Variants in CSMD1 observed in about 807,000 individuals in gnomAD.
CSMD1 encodes CUB and Sushi multiple domains 1.
CSMD1 carries 213 observed loss-of-function variants against 417.5 expected under a neutral mutation model. That is an observed-to-expected ratio of 0.51 (90% CI 0.46 to 0.57). CSMD1 has a LOEUF of 0.57. Among genes scored for constraint, CSMD1 ranks in the 20% least tolerant of loss-of-function variants. CSMD1 has a pLI of 0.00. For synonymous variants in CSMD1, 2,862 were observed against 1,736.8 expected, an observed-to-expected ratio of 1.65 and a Z score of -16.11; for missense variants, 6,923 against 4,529.7, an observed-to-expected ratio of 1.53 and a Z score of -15.17.
intron 3 of CSMD1, among the ~76,000 whole-genome samples, chr8:4,381,184 A>C (rs1350970505): frequency 6.6e-6 from 1 of 152,198 alleles, no homozygotes; most frequent in African/African-American, 2.4e-5. Context: ...ACAGTTCTCT[A>C]CGGTACTGAT....
At chr8:2,954,519 C>T (rs1466710941) in intron 64 of CSMD1, among the ~76,000 whole-genome samples, 1 of 152,060 alleles carries the variant, frequency 6.6e-6, no homozygotes, top group East Asian at 1.9e-4. Context: ...TAAAGTGCTA[C>T]AACAGAGAGC....
intron 10 of CSMD1, among the ~76,000 whole-genome samples, chr8:3,532,417 G>A (rs950917466): frequency 3.3e-5 from 5 of 152,100 alleles, no homozygotes; most frequent in Non-Finnish European, 5.9e-5. Flanking sequence ...AAGAAAGATG[G>A]ACTTGTGGCA....
intron 2 of CSMD1, among the ~76,000 whole-genome samples, chr8:4,524,911 A>G (rs1796439527): frequency 6.6e-6 from 1 of 152,194 alleles, no homozygotes; most frequent in Admixed American, 6.5e-5. Flanking sequence ...GTAAAACTTT[A>G]ACAGCATTGC....
At chr8:3,053,339 G>A (rs191237562) in intron 49 of CSMD1, among the ~76,000 whole-genome samples, 1 of 152,294 alleles carries the variant, frequency 6.6e-6, no homozygotes, top group Admixed American at 6.5e-5. Flanking sequence ...GGATGAAGCA[G>A]CATCTTTATC....
At chr8:3,564,755 C>G (rs75259605) in intron 10 of CSMD1, among the ~76,000 whole-genome samples, 2 of 151,468 alleles carry the variant, frequency 1.3e-5, no homozygotes, top group South Asian at 4.2e-4. Flanking sequence ...ACAAAAAACC[C>G]AAAAAACCAC....
intron 3 of CSMD1, among the ~76,000 whole-genome samples, chr8:4,374,976 A>C (rs1167601443): frequency 1.5e-5 from 1 of 67,002 alleles, no homozygotes. Flanking sequence ...GGGGGGGGCG[A>C]TAGTGGGGGT....
At chr8:3,608,700 G>A (rs187705977) in intron 8 of CSMD1, among the ~76,000 whole-genome samples, 5 of 151,066 alleles carry the variant, frequency 3.3e-5, no homozygotes, top group East Asian at 3.9e-4. Flanking sequence ...AGAGGTGGAG[G>A]CTGCAGTAAG....
intron 1 of CSMD1, among the ~76,000 whole-genome samples, chr8:4,641,244 G>T (rs534870456): frequency 3.4e-4 from 51 of 152,046 alleles, no homozygotes; most frequent in Non-Finnish European, 7.4e-4. Flanking sequence ...CTGAACACAT[G>T]CCATAATTTT....
At chr8:4,438,222 A>G (rs1359439371) in intron 2 of CSMD1, among the ~76,000 whole-genome samples, 1 of 152,100 alleles carries the variant, frequency 6.6e-6, no homozygotes, top group Non-Finnish European at 1.5e-5. Flanking sequence ...TCCTGAAATA[A>G]TCTCAACCCA....
intron 65 of CSMD1, among the ~76,000 whole-genome samples, chr8:2,953,266 T>C (rs1205783076): frequency 6.6e-6 from 1 of 152,214 alleles, no homozygotes; most frequent in Non-Finnish European, 1.5e-5. Flanking sequence ...TTATATTCTT[T>C]ATTATTCAGA....
intron 7 of CSMD1, among the ~76,000 whole-genome samples, chr8:3,627,356 A>C (rs1275921148): frequency 2.0e-5 from 3 of 152,206 alleles, no homozygotes. Flanking sequence ...CTTCAATTTC[A>C]CAGATCATGA....
chr8:4,195,947 C>T (rs371047143), intron 3 of CSMD1, among the ~76,000 whole-genome samples: 72 of 152,042 alleles, frequency 4.7e-4, no homozygotes, highest in African/African-American at 1.3e-3. Flanking sequence ...CGCGGTGGCT[C>T]ACGCCTGTAA....
At chr8:3,972,703 CT>C (rs1179082699) in intron 5 of CSMD1, among the ~76,000 whole-genome samples, 1 of 152,178 alleles carries the variant, frequency 6.6e-6, no homozygotes, top group Non-Finnish European at 1.5e-5. Flanking sequence ...CAAATAGCTT[CT>C]TTTCAACACT....
intron 5 of CSMD1, among the ~76,000 whole-genome samples, chr8:3,931,366 C>G (rs1291254988): frequency 6.6e-6 from 1 of 150,586 alleles, no homozygotes; most frequent in Admixed American, 6.6e-5. Flanking sequence ...CCTCATTTCT[C>G]AGGCTTCTAT....
intron 2 of CSMD1, among the ~76,000 whole-genome samples, chr8:4,556,057 T>C (rs895155692): frequency 3.3e-5 from 5 of 152,096 alleles, no homozygotes; most frequent in African/African-American, 1.2e-4. Context: ...ATAATTATTT[T>C]AGTTTAAATT....
intron 2 of CSMD1, among the ~76,000 whole-genome samples, chr8:4,559,497 G>C (rs934896170): frequency 2.0e-5 from 3 of 152,174 alleles, no homozygotes; most frequent in South Asian, 2.1e-4. Context: ...AATTCCTTTA[G>C]AAAGGTGAGA....
intron 40 of CSMD1, 143 bp from the exon 41 acceptor site, chr8:3,142,817 A>G (rs1585462778): frequency 1.4e-6 from 1 of 740,334 alleles, no homozygotes. Context: ...GACGGCATTC[A>G]CTGTGGATGA....
chr8:3,683,572 A>G (rs1452105202), intron 7 of CSMD1, among the ~76,000 whole-genome samples: 1 of 152,200 alleles, frequency 6.6e-6, no homozygotes, highest in Non-Finnish European at 1.5e-5. Flanking sequence ...AAAATGAAAT[A>G]TGTTTAAAGC....
At chr8:3,603,507 A>T (rs1563191145) in intron 8 of CSMD1, among the ~76,000 whole-genome samples, 1 of 152,148 alleles carries the variant, frequency 6.6e-6, no homozygotes, top group Non-Finnish European at 1.5e-5. Context: ...CCACTAGACA[A>T]GAGAGTAAAA....
Sources: gnomAD v4.1 joint callset for allele counts (sites outside exome capture counted in the v4.1 genomes callset) on GRCh38, gnomAD v4.1.1 for gene constraint, MANE v1.5 for transcripts, NCBI Gene and HGNC (gene_info 2026-07-23, HGNC 2026-07-21) for gene names.